The following AOX1 variants were observed in gnomAD, a reference collection of about 807,000 sequenced individuals.
The protein encoded by AOX1 is aldehyde oxidase.
Under a neutral mutation model 169.5 loss-of-function variants are expected in AOX1, and 153 were observed. That is an observed-to-expected ratio of 0.90 (90% CI 0.79 to 1.03). The LOEUF (loss-of-function observed/expected upper bound fraction) is 1.03, where lower values mean the gene tolerates loss of function less well. AOX1 is among the 50% of genes least tolerant of loss of function. AOX1 has a pLI of 0.00. For synonymous variants in AOX1, 562 were observed against 581.9 expected (o/e 0.97, Z 0.49); for missense variants, 1,656 against 1,663.9 (o/e 1.00, Z 0.08).
At chr2:200,644,061 A>G (rs148703461) in intron 25 of AOX1, among the ~76,000 whole-genome samples, 186 of 152,262 alleles carry the variant, frequency 1.2e-3, no homozygotes, top group Middle Eastern at 6.8e-3. Flanking sequence ...AAAGCTCTTT[A>G]GTTTAATTAG....
intron 3 of AOX1, among the ~76,000 whole-genome samples, chr2:200,596,995 G>A (rs1444728133): frequency 1.3e-5 from 2 of 152,198 alleles, no homozygotes; most frequent in African/African-American, 4.8e-5. Context: ...ACAGTGAGGT[G>A]TTGGTGAAGT....
downstream of AOX1, among the ~76,000 whole-genome samples, chr2:200,674,841 G>A (rs578142745): frequency 6.6e-6 from 1 of 152,282 alleles, no homozygotes; most frequent in African/African-American, 2.4e-5. Context: ...ATTCGGGAAG[G>A]GGCAATGATT....
At chr2:200,662,747 G>A (rs1158471007) in intron 30 of AOX1, 108 bp from the exon 31 acceptor site, 10 of 788,250 alleles carry the variant, frequency 1.3e-5, no homozygotes, top group Admixed American at 3.6e-5. Flanking sequence ...CATACATTAG[G>A]TACAGGTATA....
intron 29 of AOX1, 120 bp from the exon 30 acceptor site, chr2:200,661,459 C>T: frequency 2.6e-6 from 2 of 779,160 alleles, no homozygotes; most frequent in East Asian, 2.5e-5. Context: ...AATCTGGGTC[C>T]TTCCTGGTTA....
chr2:200,589,735 A>T (rs1361287802), intron 1 of AOX1, among the ~76,000 whole-genome samples: 1 of 152,208 alleles, frequency 6.6e-6, no homozygotes, highest in Non-Finnish European at 1.5e-5. Flanking sequence ...GGTGTCAAGG[A>T]TGCTAAGAAG....
In AOX1 at chr2:200,617,481, CAAAAAA is replaced by C. The variant is rs35035526; in HGVS notation, c.1704+1438_1704+1443del. On this transcript the variant is annotated intron_variant, in intron 16 of 34. Transcript: ENST00000374700. ...CCAGTAGATTTATCACAACTAACTG[CAAAAAA>C]AAAAAAAAAAAAAAAAAAATGTATG... Among the ~76,000 whole-genome samples, 19 of 58,206 alleles carry C rather than the reference CAAAAAA, an allele frequency of 3.3e-4. 1 individual carries two copies. The highest frequency in any genetic ancestry group is 6.8e-4 in the African/African-American group (11 of 16,078). 38.2% of individuals were successfully genotyped at this position (58,206 alleles called of 152,430 possible). A position where few individuals can be genotyped will look rare whatever the true frequency, so the allele number is the denominator to read the frequency against.
chr2:200,588,726 C>CT (rs71807461), intron 1 of AOX1, among the ~76,000 whole-genome samples: 1,334 of 53,978 alleles, frequency 0.025, 184 homozygotes, highest in African/African-American at 0.052. Flanking sequence ...CTAGAATAAG[C>CT]TTTTTTTTTT....
chr2:200,670,728 A>G lies in AOX1; in HGVS notation c.*49A>G. 6.9e-7 allele frequency: 1 copy of G among 1,441,344 alleles called. No homozygotes were observed. Among genetic ancestry groups the G allele is most frequent in the Non-Finnish European group, 9.8e-7 (1 of 1,025,490 alleles). 89.3% of individuals were successfully genotyped at this position (1,441,344 alleles called of 1,614,324 possible). ...AACAGAGTGCCTCTTCCCAGATGGCAATCTGTCCTATCTCTGTGCTGGAAG... is the reference window on the plus strand; with the variant it reads ...AACAGAGTGCCTCTTCCCAGATGGCGATCTGTCCTATCTCTGTGCTGGAAG... On this transcript the variant is annotated 3_prime_UTR_variant, in exon 35 of 35. Transcript: ENST00000374700.
rs143931151 is a variant in AOX1 at position 200,643,148 on chromosome 2, T to C, written c.2847+347T>C. On this transcript the variant is annotated intron_variant, in intron 25 of 34. Transcript: ENST00000374700. ...AACATCTCAGCCAGCTGTCAAAAAGTTGGTCATTTCAGTTGCTAAACTGAT... is the reference window on the plus strand; with the variant it reads ...AACATCTCAGCCAGCTGTCAAAAAGCTGGTCATTTCAGTTGCTAAACTGAT... Among the ~76,000 whole-genome samples, 5 of 151,998 alleles carry C rather than the reference T, an allele frequency of 3.3e-5. No individual in the cohort carries two copies. In the East Asian group the frequency reaches 7.7e-4, roughly 24 times the overall value.
intron 25 of AOX1, among the ~76,000 whole-genome samples, chr2:200,650,653 C>T (rs970809052): frequency 6.6e-6 from 1 of 152,142 alleles, no homozygotes; most frequent in Non-Finnish European, 1.5e-5. Context: ...TCAGCAGATA[C>T]CCAAATGCAA....
At chr2:200,675,112 C>T (rs541337001), downstream of AOX1, among the ~76,000 whole-genome samples, 24 of 152,236 alleles carry the variant, frequency 1.6e-4, no homozygotes, top group African/African-American at 5.1e-4. Context: ...AACAACCTCG[C>T]GCAGGCACAG....
intron 27 of AOX1, among the ~76,000 whole-genome samples, chr2:200,657,194 T>A (rs866189500): frequency 0.052 from 5,024 of 96,400 alleles, 186 homozygotes; most frequent in Middle Eastern, 0.09. Context: ...ATATATATTT[T>A]TTTTTTTTTT....
Position 200,593,122 on chromosome 2 carries a change from A to T in AOX1, c.46-24A>T. On this transcript the variant is annotated intron_variant, in intron 1 of 34. Transcript: ENST00000374700. The stretch of plus-strand genomic sequence containing the variant: ...AATTTCATATTAGCTCTCTCAACTA[A>T]CTCTTATTTTCCCTTTGGTATAGGT... 3 of 1,589,454 alleles carry T rather than the reference A, an allele frequency of 1.9e-6. 1 individual carries two copies. In the South Asian group the frequency reaches 3.3e-5, roughly 18 times the overall value.
chr2:200,634,880 G>A lies in AOX1; in HGVS notation c.2311G>A (p.Val771Ile), dbSNP rs749428269. The change falls in exon 21 of 35, where the codon GTC (valine) becomes ATC (isoleucine). Residue 771 changes from valine to isoleucine, a missense_variant. Physicochemically the swap from Val to Ile is conservative, Grantham distance 29. Coordinates refer to ENST00000374700, the MANE Select transcript of AOX1 (RefSeq NM_001159.4). ...CAAGGGAGAGGATCAAGAAATGGAT[G>A]TCTACGTGTCCACACAGTTTCCCAA... is the stretch of plus-strand genomic sequence containing the variant. The part of the protein sequence containing the change: ...VPKGEDQEMD[V>I]YVSTQFPKYI... 1 of 1,614,100 alleles carries A rather than the reference G, an allele frequency of 6.2e-7. No individual in the cohort carries two copies. Among genetic ancestry groups the A allele is most frequent in the East Asian group, 2.2e-5 (1 of 44,866 alleles).
chr2:200,623,640 C>T (rs2034935081), intron 18 of AOX1, among the ~76,000 whole-genome samples: 3 of 152,228 alleles, frequency 2.0e-5, no homozygotes, highest in Admixed American at 1.3e-4. Context: ...CAGCATCACT[C>T]CTGCTCCTCT....
intron 28 of AOX1, 31 bp from the exon 29 acceptor site, chr2:200,659,964 A>G (rs2035789032): frequency 3.9e-6 from 6 of 1,536,266 alleles, no homozygotes; most frequent in Non-Finnish European, 5.4e-6. Context: ...TGAAATTAGG[A>G]GCATAATTTT....
intron 20 of AOX1, 38 bp downstream of exon 20, chr2:200,627,487 T>G: frequency 6.9e-7 from 1 of 1,440,732 alleles, no homozygotes; most frequent in Non-Finnish European, 9.8e-7. Context: ...CCTGGAAGTC[T>G]TCTAAGCATG....
intron 13 of AOX1, among the ~76,000 whole-genome samples, chr2:200,611,957 G>A (rs561390349): frequency 2.6e-5 from 4 of 151,950 alleles, no homozygotes; most frequent in East Asian, 1.9e-4. Flanking sequence ...CACCTGCCTC[G>A]GCCTCCCAAA....
At chr2:200,662,345 T>C (rs906356582) in intron 30 of AOX1, among the ~76,000 whole-genome samples, 3 of 152,168 alleles carry the variant, frequency 2.0e-5, no homozygotes, top group Non-Finnish European at 2.9e-5. Context: ...CATTATTTAT[T>C]TGATGTTCTT....
Sources: gnomAD v4.1 joint callset for allele counts (sites outside exome capture counted in the v4.1 genomes callset) on GRCh38, gnomAD v4.1.1 for gene constraint, MANE v1.5 for transcripts, NCBI Gene and HGNC (gene_info 2026-07-23, HGNC 2026-07-21) for gene names.